The following GSAP variants were observed in gnomAD, a reference collection of about 807,000 sequenced individuals.
GSAP encodes the protein gamma-secretase activating protein.
GSAP carries 118 observed loss-of-function variants against 131.7 expected under a neutral mutation model. The observed-to-expected ratio is 0.90, with a 90% CI of 0.77 to 1.04. The LOEUF is 1.04. GSAP is among the 50% of genes least tolerant of loss of function. The pLI, the probability that GSAP is intolerant of heterozygous loss-of-function variation, is 0.00. For synonymous variants in GSAP, 381 were observed against 363.4 expected (o/e 1.05, Z -0.55); for missense variants, 1,019 against 1,013.2 (o/e 1.01, Z -0.08).
chr7:77,362,880 T>G (rs1794747945), intron 12 of GSAP, among the ~76,000 whole-genome samples: 1 of 152,234 alleles, frequency 6.6e-6, no homozygotes, highest in South Asian at 2.1e-4. Context: ...TGTGGCAGGC[T>G]ATTGAAGGAT....
intron 3 of GSAP, among the ~76,000 whole-genome samples, chr7:77,400,824 G>A (rs959028111): frequency 1.3e-5 from 2 of 151,992 alleles, no homozygotes; most frequent in African/African-American, 4.8e-5. Flanking sequence ...TCATAAAAAT[G>A]CTTCAATAAG....
chr7:77,322,267 GC>G (rs1787756034), intron 24 of GSAP, among the ~76,000 whole-genome samples: 1 of 152,214 alleles, frequency 6.6e-6, no homozygotes, highest in Non-Finnish European at 1.5e-5. Context: ...TAGAAAGGAT[GC>G]CAGCCACTCT....
Position 77,373,584 on chromosome 7 carries a change from T to G in GSAP, c.871+486A>C, listed in dbSNP as rs1431346887. The stretch of plus-strand genomic sequence containing the variant: ...AGGTATTTTTCTTTACCCTCTGCAT[T>G]TTTTCTATCTATGAAAACTGGTATT... On this transcript the variant is annotated intron_variant, in intron 12 of 30. Coordinates refer to ENST00000257626, the MANE Select transcript of GSAP (RefSeq NM_017439.4). Among the ~76,000 whole-genome samples, 3 of 152,216 alleles carry G rather than the reference T, an allele frequency of 2.0e-5. No individual in the cohort carries two copies. The East Asian group carries it at 5.8e-4, about 29-fold the overall frequency.
intron 18 of GSAP, among the ~76,000 whole-genome samples, 192 bp from the exon 19 acceptor site, chr7:77,349,596 C>T (rs183376833): frequency 6.6e-6 from 1 of 152,228 alleles, no homozygotes; most frequent in East Asian, 1.9e-4. Flanking sequence ...GGAAAGGACA[C>T]ATTCTTTAAA....
rs375595494 is a variant in GSAP at position 77,402,616 on chromosome 7, A to AAAAAAAAAAAAAAAT, written c.243+1942_243+1943insATTTTTTTTTTTTTT. On this transcript the variant is annotated intron_variant, in intron 3 of 30. Transcript: ENST00000257626. ...CTCAAAAAAAAAAAAAAAAAAAAAAAGAATTTTAAAGCCCATCTAGATTTG... is the reference window on the plus strand; with the variant it reads ...CTCAAAAAAAAAAAAAAAAAAAAAAAAAAAAAAAAAAAAATGAATTTTAAAGCCCATCTAGATTTG... Among the ~76,000 whole-genome samples, 53 of 80,492 alleles carry AAAAAAAAAAAAAAAT rather than the reference A, an allele frequency of 6.6e-4. 7 individuals are homozygous for AAAAAAAAAAAAAAAT. Among genetic ancestry groups the AAAAAAAAAAAAAAAT allele is most frequent in the South Asian group, 1.7e-3 (4 of 2,310 alleles). The allele number at this position is 80,492 out of a possible 152,430, so 52.8% of individuals were successfully genotyped here.
chr7:77,353,106 C>A, intron 17 of GSAP, 80 bp from the exon 18 acceptor site: 1 of 757,492 alleles, frequency 1.3e-6, no homozygotes, highest in Non-Finnish European at 2.3e-6. Flanking sequence ...GCAACCAAAA[C>A]ACGCAAACCA....
intron 8 of GSAP, among the ~76,000 whole-genome samples, chr7:77,380,839 G>A (rs529365106): frequency 1.3e-4 from 20 of 152,132 alleles, no homozygotes; most frequent in East Asian, 3.9e-4. Context: ...ATGCATATAC[G>A]TACATATGAA....
At chr7:77,353,695 A>G (rs979831251) in intron 16 of GSAP, 54 bp from the exon 17 acceptor site, 2 of 1,052,802 alleles carry the variant, frequency 1.9e-6, no homozygotes, top group African/African-American at 3.1e-5. Flanking sequence ...CTCTGCCTCC[A>G]CTACCAAAGA....
intron 13 of GSAP, 89 bp downstream of exon 13, chr7:77,362,494 T>G: frequency 1.4e-6 from 1 of 707,062 alleles, no homozygotes; most frequent in Non-Finnish European, 2.5e-6. Flanking sequence ...CTCCAAAAAA[T>G]TACTAATAAC....
At chr7:77,321,281 A>G in intron 25 of GSAP, 52 bp downstream of exon 25, 1 of 1,116,140 alleles carries the variant, frequency 9.0e-7, no homozygotes, top group Non-Finnish European at 1.4e-6. Flanking sequence ...GCTACAACAG[A>G]GTTGTTTCCA....
At chr7:77,338,768 C>T (rs1211666596) in intron 19 of GSAP, among the ~76,000 whole-genome samples, 1 of 152,170 alleles carries the variant, frequency 6.6e-6, no homozygotes, top group Non-Finnish European at 1.5e-5. Flanking sequence ...GGGGTCAGGA[C>T]TTCAACATAT....
At chr7:77,313,408 A>G (rs1307085888) in intron 28 of GSAP, 80 bp downstream of exon 28, 1 of 747,130 alleles carries the variant, frequency 1.3e-6, no homozygotes, top group African/African-American at 1.8e-5. Context: ...CAAAGCAAGT[A>G]AATGCTCTTT....
At chr7:77,346,270 C>CAAAA (rs1223497863) in intron 19 of GSAP, among the ~76,000 whole-genome samples, 1,269 of 37,922 alleles carry the variant, frequency 0.033, 104 homozygotes, top group African/African-American at 0.11. Context: ...GACTCCATCT[C>CAAAA]AAAAAAAAAA....
chr7:77,333,352 G>A (rs1789442153), intron 19 of GSAP, among the ~76,000 whole-genome samples: 1 of 152,156 alleles, frequency 6.6e-6, no homozygotes, highest in Non-Finnish European at 1.5e-5. Context: ...TCAGATCTGA[G>A]CCAGAGCATC....
At chr7:77,312,793 C>G (rs1178807043) in intron 28 of GSAP, among the ~76,000 whole-genome samples, 1 of 152,198 alleles carries the variant, frequency 6.6e-6, no homozygotes, top group Non-Finnish European at 1.5e-5. Context: ...AGGACAGTGC[C>G]AGAGGTGCAA....
intron 21 of GSAP, 30 bp from the exon 22 acceptor site, chr7:77,328,667 G>T: frequency 7.3e-7 from 1 of 1,362,210 alleles, no homozygotes; most frequent in Non-Finnish European, 1.0e-6. Flanking sequence ...GTTATTCACA[G>T]ACAGCATTGC....
At chr7:77,411,589 C>T (rs749350681) in intron 1 of GSAP, among the ~76,000 whole-genome samples, 190 of 152,234 alleles carry the variant, frequency 1.2e-3, no homozygotes, top group Non-Finnish European at 2.1e-3. Flanking sequence ...GGAGAAAATT[C>T]TAAGACTTAT....
intron 24 of GSAP, among the ~76,000 whole-genome samples, chr7:77,322,360 C>T (rs1008330389): frequency 2.0e-5 from 3 of 152,122 alleles, no homozygotes; most frequent in African/African-American, 4.8e-5. Context: ...ACTGCTGAGT[C>T]AATGTCAGGG....
chr7:77,390,942 C>T (rs554610197), intron 5 of GSAP, among the ~76,000 whole-genome samples: 3 of 72,958 alleles, frequency 4.1e-5, no homozygotes, highest in East Asian at 7.5e-4. Context: ...AGCGAGACTC[C>T]GTCTAAAAAA....
Sources: allele counts gnomAD v4.1 joint callset (sites outside exome capture counted in the v4.1 genomes callset), GRCh38; gene constraint gnomAD v4.1.1; transcripts MANE v1.5; gene names NCBI Gene and HGNC (gene_info 2026-07-23, HGNC 2026-07-21).